The following TTC27 variants were observed in gnomAD, a reference collection of about 807,000 sequenced individuals.
The protein encoded by TTC27 is tetratricopeptide repeat domain 27.
Under a neutral mutation model 115.9 loss-of-function variants are expected in TTC27, and 79 were observed. The ratio of observed to expected loss-of-function variants is 0.68; its 90% CI spans 0.57 to 0.82. TTC27 has a LOEUF of 0.82. TTC27 is among the 40% of genes least tolerant of loss of function. TTC27 has a pLI of 0.00. For missense variants in TTC27, 1,054 were observed against 993.1 expected, an observed-to-expected ratio of 1.06 and a Z score of -0.82; for synonymous variants, 401 against 356.0, an observed-to-expected ratio of 1.13 and a Z score of -1.42.
chr2:32,759,778 T>C (rs1408337290), intron 13 of TTC27, among the ~76,000 whole-genome samples: 1 of 152,226 alleles, frequency 6.6e-6, no homozygotes, highest in Non-Finnish European at 1.5e-5. Context: ...TTCTGTCTTA[T>C]GATTTTAACT....
intron 7 of TTC27, among the ~76,000 whole-genome samples, chr2:32,669,695 G>A (rs1665935472): frequency 1.3e-5 from 2 of 151,918 alleles, no homozygotes. Context: ...GACCAACCTG[G>A]CCAACATGCC....
At chr2:32,648,399 G>T (rs1270587642) in intron 4 of TTC27, among the ~76,000 whole-genome samples, 3 of 150,570 alleles carry the variant, frequency 2.0e-5, no homozygotes, top group Non-Finnish European at 4.4e-5. Context: ...CATAGTGCTA[G>T]GACTACAGGT....
chr2:32,800,700 G>A (rs987132647), intron 16 of TTC27, among the ~76,000 whole-genome samples: 2 of 150,532 alleles, frequency 1.3e-5, no homozygotes, highest in South Asian at 2.1e-4. Flanking sequence ...GGGTTTCACC[G>A]TGTTGGCCAG....
intron 4 of TTC27, among the ~76,000 whole-genome samples, chr2:32,643,434 T>A (rs1008021762): frequency 2.0e-5 from 3 of 152,022 alleles, no homozygotes; most frequent in African/African-American, 7.2e-5. Context: ...GCCTCCCTAG[T>A]AGCTTGGATT....
At chr2:32,663,494 C>T (rs763506816) in intron 5 of TTC27, among the ~76,000 whole-genome samples, 10 of 152,164 alleles carry the variant, frequency 6.6e-5, no homozygotes, top group Non-Finnish European at 1.0e-4. Flanking sequence ...CCATGGGCTG[C>T]ACCCACTGTC....
At chr2:32,655,298 TATTTTTTAA>T (rs896656457) in intron 5 of TTC27, among the ~76,000 whole-genome samples, 14 of 152,054 alleles carry the variant, frequency 9.2e-5, no homozygotes, top group Non-Finnish European at 1.8e-4. Flanking sequence ...CCCGCCTGGC[TATTTTTTAA>T]ATTTTTCTGT....
At chr2:32,681,760 G>T (rs1346372338) in intron 9 of TTC27, among the ~76,000 whole-genome samples, 1 of 151,362 alleles carries the variant, frequency 6.6e-6, no homozygotes. Context: ...TAGGACAGGT[G>T]TTATTAAATG....
intron 1 of TTC27, among the ~76,000 whole-genome samples, chr2:32,629,961 G>A (rs533320487): frequency 3.3e-5 from 5 of 152,104 alleles, no homozygotes; most frequent in Non-Finnish European, 7.4e-5. Flanking sequence ...AACTTTGGTG[G>A]CCTGGAAAAC....
intron 16 of TTC27, among the ~76,000 whole-genome samples, chr2:32,791,393 G>A (rs751412623): frequency 6.6e-6 from 1 of 152,184 alleles, no homozygotes; most frequent in Non-Finnish European, 1.5e-5. Flanking sequence ...AAGGAAAGGG[G>A]ATTAATATAT....
At chr2:32,789,921 C>CAAAAAAA (rs34859954) in intron 16 of TTC27, among the ~76,000 whole-genome samples, 6 of 25,942 alleles carry the variant, frequency 2.3e-4, no homozygotes, top group East Asian at 1.3e-3. Flanking sequence ...ACCCTGTCTC[C>CAAAAAAA]AAAAAAAAAA....
rs542382792 is a variant in TTC27, at chr2:32,755,410, G to A, written c.1453-2882G>A. Among the ~76,000 whole-genome samples, 671 of 152,280 alleles carry A rather than the reference G, an allele frequency of 4.4e-3. 7 individuals are homozygous for A. Among genetic ancestry groups the A allele is most frequent in the African/African-American group, 0.015 (631 of 41,548 alleles). On this transcript the variant is annotated intron_variant, in intron 12 of 19. Transcript: ENST00000317907. ...AGCCCGGCCAACACAGCGAAACCCC[G>A]TCTCCACCAAAAAAATACGAAAACC...
intron 10 of TTC27, among the ~76,000 whole-genome samples, chr2:32,732,663 A>G (rs1668327742): frequency 6.6e-6 from 1 of 152,188 alleles, no homozygotes; most frequent in Non-Finnish European, 1.5e-5. Context: ...AGTTACCAAA[A>G]AGTTGCAAGA....
chr2:32,628,335 G>A lies in TTC27; in HGVS notation c.43G>A (p.Glu15Lys). 1.2e-6 allele frequency: 2 copies of A among 1,608,216 alleles called. No individual in the cohort carries two copies. Among genetic ancestry groups the A allele is most frequent in the African/African-American group, 2.7e-5 (2 of 74,986 alleles). ...GGCAATTCTGAGGGGATTCCCCACT[G>A]AGGCTGAGCGGCAGCAATGGAAACA... ...ELAILRGFPT[E>K]AERQQWKQEG... Residue 15 changes from glutamate (E) to lysine (K), a missense_variant, in exon 1 of 20, where the codon GAG (glutamate) becomes AAG (lysine). Physicochemically the swap from Glu to Lys is moderately conservative, Grantham distance 56 (BLOSUM62 1). Coordinates refer to ENST00000317907, the MANE Select transcript of TTC27 (RefSeq NM_017735.5).
At chr2:32,703,957 A>G (rs1367359660) in intron 10 of TTC27, among the ~76,000 whole-genome samples, 1 of 152,210 alleles carries the variant, frequency 6.6e-6, no homozygotes, top group Non-Finnish European at 1.5e-5. Context: ...CTCATTGTTC[A>G]TGGATGGCAC....
intron 5 of TTC27, among the ~76,000 whole-genome samples, chr2:32,656,722 G>A (rs1025074437): frequency 6.6e-6 from 1 of 152,170 alleles, no homozygotes; most frequent in Non-Finnish European, 1.5e-5. Flanking sequence ...TTACAAACTT[G>A]ATGTGTGAGG....
At chr2:32,698,852 A>T (rs912447386) in intron 9 of TTC27, among the ~76,000 whole-genome samples, 1 of 152,182 alleles carries the variant, frequency 6.6e-6, no homozygotes, top group African/African-American at 2.4e-5. Flanking sequence ...ACAAAAGCCT[A>T]TATAAACCCC....
chr2:32,817,493 A>T lies in TTC27; in HGVS notation c.2345A>T (p.Gln782Leu), dbSNP rs180741462. ...TGCAGTAAAAACAAATCCAGTTCCC[A>T]AGAAGCTGTACAAATGCTTTCTTCT... The part of the protein sequence containing the change: ...IKCSKNKSSS[Q>L]EAVQMLSSVR... Residue 782 changes from glutamine to leucine, a missense_variant, in exon 19 of 20, where the codon CAA (glutamine) becomes CTA (leucine). Transcript: ENST00000317907. 2 of 1,614,114 alleles carry T rather than the reference A, an allele frequency of 1.2e-6. No homozygotes were observed. The highest frequency in any genetic ancestry group is 4.5e-5 in the East Asian group (2 of 44,854).
At chr2:32,636,540 G>A (rs1207375384) in intron 3 of TTC27, among the ~76,000 whole-genome samples, 1 of 152,070 alleles carries the variant, frequency 6.6e-6, no homozygotes, top group Non-Finnish European at 1.5e-5. Context: ...TGCCAATTTG[G>A]TCCTTACAGA....
chr2:32,806,822 A>C (rs1009659572), intron 16 of TTC27, among the ~76,000 whole-genome samples: 5 of 152,148 alleles, frequency 3.3e-5, no homozygotes, highest in Non-Finnish European at 5.9e-5. Flanking sequence ...CCACTTTTTA[A>C]GATTGAATAT....
Sources: gnomAD v4.1 joint callset for allele counts (sites outside exome capture counted in the v4.1 genomes callset) on GRCh38, gnomAD v4.1.1 for gene constraint, MANE v1.5 for transcripts, NCBI Gene and HGNC (gene_info 2026-07-23, HGNC 2026-07-21) for gene names.